The following RIN2 variants were observed in gnomAD, a reference collection of about 807,000 sequenced individuals.
RIN2 encodes the protein Ras and Rab interactor 2.
Under a neutral mutation model 78.0 loss-of-function variants are expected in RIN2, and 36 were observed. That is an observed-to-expected ratio of 0.46 (90% CI 0.35 to 0.61). RIN2 has a LOEUF of 0.61. RIN2 is among the 20% of genes least tolerant of loss of function. RIN2 has a pLI of 0.00. For missense variants in RIN2, 1,087 were observed against 1,159.7 expected (o/e 0.94, Z 0.91); for synonymous variants, 466 against 466.8 (o/e 1.00, Z 0.02).
intron 2 of RIN2, among the ~76,000 whole-genome samples, chr20:19,867,188 T>C (rs890574318): frequency 5.3e-5 from 8 of 152,178 alleles, no homozygotes; most frequent in Non-Finnish European, 1.0e-4. Flanking sequence ...ACACAACACG[T>C]GCACACATGC....
Position 19,996,685 on chromosome 20 carries a change from A to G in RIN2, c.2207A>G (p.Tyr736Cys), listed in dbSNP as rs2042977786. 1 of 1,613,892 alleles carries G rather than the reference A, an allele frequency of 6.2e-7. No homozygotes were observed. Reference sequence around the variant, plus strand: ...CTCTTTCTGCTCTTTTCAGGAGGCTATTACTTGACAAGCGCATATGGAGCA... The same window carrying G: ...CTCTTTCTGCTCTTTTCAGGAGGCTGTTACTTGACAAGCGCATATGGAGCA... ...DPSLLHGEGGYYLTSAYGALS... is the reference protein window; with the variant it reads ...DPSLLHGEGGCYLTSAYGALS... Residue 736 changes from tyrosine (Y) to cysteine (C), a missense_variant, in exon 12 of 13, where the codon TAT becomes TGT. By Grantham distance (194) the Tyr-to-Cys change is radical (BLOSUM62 -2). Transcript: ENST00000255006.
intron 2 of RIN2, among the ~76,000 whole-genome samples, chr20:19,844,593 G>GCTGCTGCTT (rs1568806843): frequency 4.7e-5 from 3 of 64,066 alleles, no homozygotes; most frequent in African/African-American, 1.5e-4. Flanking sequence ...TGCTGCTGCT[G>GCTGCTGCTT]CTTCTTCCTC....
intron 1 of RIN2, among the ~76,000 whole-genome samples, chr20:19,767,950 TCTC>T (rs1417680137): frequency 6.9e-6 from 1 of 144,594 alleles, no homozygotes; most frequent in Non-Finnish European, 1.5e-5. Flanking sequence ...TCAATGCAAG[TCTC>T]CTGCGAAACA....
chr20:19,842,987 G>C (rs1045854728), intron 2 of RIN2, among the ~76,000 whole-genome samples: 1 of 152,046 alleles, frequency 6.6e-6, no homozygotes, highest in Admixed American at 6.6e-5. Flanking sequence ...GATTTTGAGG[G>C]ACTCAAGACT....
intron 3 of RIN2, among the ~76,000 whole-genome samples, chr20:19,909,023 C>T (rs1026327940): frequency 6.6e-6 from 1 of 152,198 alleles, no homozygotes; most frequent in Admixed American, 6.5e-5. Context: ...CACCGCCACT[C>T]CCAGCTAACT....
chr20:19,922,615 C>T (rs977533070), intron 3 of RIN2, among the ~76,000 whole-genome samples: 1 of 152,170 alleles, frequency 6.6e-6, no homozygotes, highest in African/African-American at 2.4e-5. Context: ...AGTAGGAGTA[C>T]CACGTGCTCC....
chr20:19,844,698 C>CTCTTCCTCT (rs2036720953), intron 2 of RIN2, among the ~76,000 whole-genome samples: 5 of 26,356 alleles, frequency 1.9e-4, no homozygotes, highest in Non-Finnish European at 3.5e-4. Context: ...CTTCCTCTTC[C>CTCTTCCTCT]TCTTCTTCTT....
chr20:19,841,263 G>A (rs946498257), intron 2 of RIN2, among the ~76,000 whole-genome samples: 26 of 151,960 alleles, frequency 1.7e-4, no homozygotes, highest in African/African-American at 4.6e-4. Context: ...GGCTACAGGC[G>A]TGAGCCACCA....
At chr20:19,885,892 TA>T (rs2038168039) in intron 2 of RIN2, among the ~76,000 whole-genome samples, 1 of 147,034 alleles carries the variant, frequency 6.8e-6, no homozygotes, top group African/African-American at 2.5e-5. Flanking sequence ...GGTCAATTAA[TA>T]AAATAAAATC....
Position 19,800,532 on chromosome 20 carries a change from G to A in RIN2, c.-37+785G>A, listed in dbSNP as rs1337641809. Among the ~76,000 whole-genome samples, 2 of 152,154 alleles carry A rather than the reference G, an allele frequency of 1.3e-5. 1 individual carries two copies. Among genetic ancestry groups the A allele is most frequent in the Non-Finnish European group, 2.9e-5 (2 of 68,028 alleles). On this transcript the variant is annotated intron_variant, in intron 2 of 12. Coordinates refer to ENST00000255006, the MANE Select transcript of RIN2 (RefSeq NM_018993.4). ...TCCACGTAGCTCTCTAAATCCCTTA[G>A]GATACATGTCCTTGAGACCCAGCCA...
At chr20:19,822,135 T>C (rs1365599146) in intron 2 of RIN2, among the ~76,000 whole-genome samples, 1 of 152,114 alleles carries the variant, frequency 6.6e-6, no homozygotes, top group Non-Finnish European at 1.5e-5. Context: ...GACCCAAATG[T>C]ATTTGTTTCT....
chr20:19,915,980 G>A (rs1488689281), intron 3 of RIN2, among the ~76,000 whole-genome samples: 3 of 152,126 alleles, frequency 2.0e-5, no homozygotes, highest in South Asian at 2.1e-4. Context: ...TGTGGCTCAC[G>A]CCTGTAATCC....
At chr20:19,996,607 G>T in intron 11 of RIN2, 72 bp from the exon 12 acceptor site, 3 of 1,478,406 alleles carry the variant, frequency 2.0e-6, no homozygotes, top group Non-Finnish European at 2.8e-6. Context: ...GCCTTCTAAC[G>T]CTGGCATCCC....
chr20:19,861,967 C>G (rs1008360275), intron 2 of RIN2, among the ~76,000 whole-genome samples: 2 of 120,330 alleles, frequency 1.7e-5, no homozygotes, highest in Non-Finnish European at 3.2e-5. Flanking sequence ...TGCTCACCCT[C>G]CATATCTGAT....
At chr20:19,769,758 G>A (rs982219121) in intron 1 of RIN2, among the ~76,000 whole-genome samples, 4 of 152,186 alleles carry the variant, frequency 2.6e-5, no homozygotes, top group Admixed American at 2.6e-4. Flanking sequence ...AGGGCCATAT[G>A]AAATCAGATA....
intron 8 of RIN2, among the ~76,000 whole-genome samples, chr20:19,973,312 C>T (rs959107068): frequency 6.6e-6 from 1 of 151,970 alleles, no homozygotes; most frequent in South Asian, 2.1e-4. Flanking sequence ...TTGGACAGTG[C>T]GGGAGTCGGG....
intron 2 of RIN2, among the ~76,000 whole-genome samples, chr20:19,806,983 C>T (rs961440278): frequency 1.3e-5 from 2 of 152,264 alleles, no homozygotes; most frequent in African/African-American, 2.4e-5. Context: ...GGTGACGCTG[C>T]TTCCTGCACA....
chr20:19,832,114 C>T (rs577724722), intron 2 of RIN2, among the ~76,000 whole-genome samples: 2 of 151,794 alleles, frequency 1.3e-5, no homozygotes, highest in Non-Finnish European at 2.9e-5. Flanking sequence ...CTAAAGGGGA[C>T]GTGACTGGCC....
At position 19,904,605 on chromosome 20, in the gene RIN2, G is replaced by A. The variant is rs548651861; in HGVS notation, c.57+14947G>A. Among the ~76,000 whole-genome samples the A allele has an allele frequency of 5.9e-5, 9 of 152,306 alleles. No individual in the cohort carries two copies. In the South Asian group the frequency reaches 6.2e-4, roughly 11 times the overall value. On this transcript the variant is annotated intron_variant, in intron 3 of 12. Coordinates refer to ENST00000255006, the MANE Select transcript of RIN2 (RefSeq NM_018993.4). ...TTAAAGGCCTGGAGTGACATCTGAG[G>A]CTCTGAGGGAGAAAAAGGGTGGCAA...
Sources: allele counts gnomAD v4.1 joint callset (sites outside exome capture counted in the v4.1 genomes callset), GRCh38; gene constraint gnomAD v4.1.1; transcripts MANE v1.5; gene names NCBI Gene and HGNC (gene_info 2026-07-23, HGNC 2026-07-21).